The following EXOC4 variants were observed in gnomAD, a reference collection of about 807,000 sequenced individuals.
EXOC4 encodes exocyst complex component 4.
EXOC4 carries 71 observed loss-of-function variants against 107.2 expected under a neutral mutation model. The ratio of observed to expected loss-of-function variants is 0.66; its 90% CI spans 0.55 to 0.81. EXOC4 has a LOEUF of 0.81. Among genes scored for constraint, EXOC4 ranks in the 30% least tolerant of loss-of-function variants. The probability of loss-of-function intolerance (pLI) is 0.00; values close to 1 mark genes in which losing one functional copy is unlikely to be tolerated. For synonymous variants in EXOC4, 456 were observed against 441.2 expected (o/e 1.03, Z -0.42); for missense variants, 1,108 against 1,189.6 (o/e 0.93, Z 1.01).
At chr7:133,530,439 A>G (rs1800160388) in intron 9 of EXOC4, among the ~76,000 whole-genome samples, 1 of 152,136 alleles carries the variant, frequency 6.6e-6, no homozygotes, top group African/African-American at 2.4e-5. Flanking sequence ...TAGAGCACAC[A>G]CCTGTACAGC....
chr7:133,482,959 T>G (rs1799189356), intron 9 of EXOC4, among the ~76,000 whole-genome samples: 1 of 152,088 alleles, frequency 6.6e-6, no homozygotes, highest in South Asian at 2.1e-4. Context: ...TCTCTCAGCC[T>G]GTCACAAATA....
intron 7 of EXOC4, among the ~76,000 whole-genome samples, chr7:133,451,513 A>C (rs1198208993): frequency 6.6e-6 from 1 of 151,952 alleles, no homozygotes; most frequent in Non-Finnish European, 1.5e-5. Context: ...AATATGAGAA[A>C]ATTATTTCTC....
At chr7:133,938,111 A>G in intron 14 of EXOC4, 42 bp downstream of exon 14, 3 of 1,595,336 alleles carry the variant, frequency 1.9e-6, no homozygotes, top group South Asian at 1.1e-5. Context: ...CAGTTGAGGA[A>G]CTAGACTGAA....
At chr7:134,066,566 G>A (rs1053139836), downstream of EXOC4, 27 of 152,244 alleles carry the variant, frequency 1.8e-4, no homozygotes, top group African/African-American at 5.5e-4. Flanking sequence ...TTCTTTGAAG[G>A]TTGGCACATC....
At chr7:133,966,848 G>A (rs1277437759) in intron 14 of EXOC4, among the ~76,000 whole-genome samples, 1 of 152,218 alleles carries the variant, frequency 6.6e-6, no homozygotes, top group African/African-American at 2.4e-5. Flanking sequence ...CATAAAATGG[G>A]TTAGGGAGGA....
chr7:133,375,177 C>A, intron 7 of EXOC4, 175 bp downstream of exon 7: 1 of 604,346 alleles, frequency 1.7e-6, no homozygotes. Context: ...CTACTATCTT[C>A]AAAAAACTTT....
intron 10 of EXOC4, among the ~76,000 whole-genome samples, chr7:133,782,649 TC>T (rs751372152): frequency 6.6e-5 from 10 of 152,136 alleles, no homozygotes; most frequent in Non-Finnish European, 1.5e-4. Flanking sequence ...CAAATCACAC[TC>T]TTAACAGGTC....
chr7:133,696,156 G>A (rs1011548322), intron 10 of EXOC4, among the ~76,000 whole-genome samples: 7 of 152,164 alleles, frequency 4.6e-5, no homozygotes, highest in African/African-American at 1.7e-4. Flanking sequence ...GGCTGGGTGA[G>A]GGAGCAGTCA....
chr7:133,796,483 G>A (rs577647005), intron 10 of EXOC4, among the ~76,000 whole-genome samples: 12 of 152,320 alleles, frequency 7.9e-5, no homozygotes, highest in South Asian at 2.1e-4. Context: ...TTGGCCGGGC[G>A]CGGTGGTGGC....
intron 11 of EXOC4, among the ~76,000 whole-genome samples, chr7:133,833,902 G>C (rs779192559): frequency 1.3e-5 from 2 of 152,204 alleles, no homozygotes; most frequent in South Asian, 4.2e-4. Context: ...TGATTCAGCT[G>C]GGCCAGTTAG....
intron 14 of EXOC4, among the ~76,000 whole-genome samples, chr7:133,953,983 A>G (rs527640438): frequency 6.6e-6 from 1 of 152,374 alleles, no homozygotes; most frequent in Non-Finnish European, 1.5e-5. Flanking sequence ...CAGGAACCCC[A>G]AGGATTCCTC....
chr7:133,810,509 G>C (rs1238069530), intron 10 of EXOC4, among the ~76,000 whole-genome samples: 1 of 152,130 alleles, frequency 6.6e-6, no homozygotes, highest in Admixed American at 6.5e-5. Context: ...CATACATTTA[G>C]AGGGCCTTTA....
intron 17 of EXOC4, among the ~76,000 whole-genome samples, chr7:134,056,814 G>T (rs562323451): frequency 6.6e-6 from 1 of 152,164 alleles, no homozygotes; most frequent in Non-Finnish European, 1.5e-5. Context: ...GGAACAAAAA[G>T]AAATTTTCTC....
intron 17 of EXOC4, among the ~76,000 whole-genome samples, chr7:134,034,565 C>T (rs1165259750): frequency 6.6e-6 from 1 of 152,180 alleles, no homozygotes; most frequent in African/African-American, 2.4e-5. Context: ...AGGAGCTCTT[C>T]CCCCTTCGAT....
chr7:133,595,703 T>G (rs1189795238), intron 9 of EXOC4, among the ~76,000 whole-genome samples: 2 of 152,228 alleles, frequency 1.3e-5, no homozygotes, highest in African/African-American at 4.8e-5. Context: ...GGTCACATAA[T>G]TAGTCAGTGG....
chr7:133,569,529 A>G (rs1800975228), intron 9 of EXOC4, among the ~76,000 whole-genome samples: 2 of 151,836 alleles, frequency 1.3e-5, no homozygotes, highest in South Asian at 4.2e-4. Flanking sequence ...AAGTGTAGAT[A>G]TGTAACTTTA....
intron 5 of EXOC4, among the ~76,000 whole-genome samples, chr7:133,328,501 G>A (rs914005558): frequency 9.9e-5 from 15 of 152,174 alleles, no homozygotes; most frequent in Admixed American, 9.2e-4. Flanking sequence ...GCCTGTTGAT[G>A]CAGTTTTTTC....
At chr7:133,294,344 C>A (rs903684188) in intron 3 of EXOC4, among the ~76,000 whole-genome samples, 1 of 152,156 alleles carries the variant, frequency 6.6e-6, no homozygotes, top group Non-Finnish European at 1.5e-5. Context: ...AAACCACTTA[C>A]ACAAGTTCTG....
chr7:133,462,888 T>A (rs1362799930), intron 7 of EXOC4, among the ~76,000 whole-genome samples: 1 of 152,026 alleles, frequency 6.6e-6, no homozygotes, highest in Non-Finnish European at 1.5e-5. Context: ...CCTATAGAGG[T>A]TGATTGGGGC....
Sources: gnomAD v4.1 joint callset for allele counts (sites outside exome capture counted in the v4.1 genomes callset) on GRCh38, gnomAD v4.1.1 for gene constraint, MANE v1.5 for transcripts, NCBI Gene and HGNC (gene_info 2026-07-23, HGNC 2026-07-21) for gene names.